The following KCNK10 variants were observed in gnomAD, a reference collection of about 807,000 sequenced individuals.
KCNK10 encodes potassium two pore domain channel subfamily K member 10.
Under a neutral mutation model 47.7 loss-of-function variants are expected in KCNK10, and 25 were observed. The ratio of observed to expected loss-of-function variants is 0.52; its 90% CI spans 0.38 to 0.73. The LOEUF is 0.73. Among genes scored for constraint, KCNK10 ranks in the 30% least tolerant of loss-of-function variants. The pLI is 0.00. For synonymous variants in KCNK10, 303 were observed against 285.6 expected (o/e 1.06, Z -0.61); for missense variants, 563 against 714.5 (o/e 0.79, Z 2.42).
chr14:88,186,254 G>T lies in KCNK10; in HGVS notation c.1012-99C>A. The T allele has an allele frequency of 7.3e-7, 1 of 1,376,640 alleles. No individual in the cohort carries two copies. The highest frequency in any genetic ancestry group is 1.5e-5 in the South Asian group (1 of 66,320). The allele number at this position is 1,376,640 out of a possible 1,614,324, so 85.3% of individuals were successfully genotyped here. A position where few individuals can be genotyped will look rare whatever the true frequency, so the allele number is the denominator to read the frequency against. On this transcript the variant is annotated intron_variant, in intron 6 of 6. Coordinates refer to ENST00000319231, the MANE Select transcript of KCNK10 (RefSeq NM_138317.3). The surrounding 1 kb of genome is among the most constrained non-coding windows in gnomAD (Gnocchi z 5.5). ...CTCGGGTGTCCCCACGGGGAGGCCA[G>T]GAGGTGACGGAGCACATGCCCAGGG... is the stretch of plus-strand genomic sequence containing the variant.
In KCNK10 at chr14:88,263,287, T is replaced by C; in HGVS notation, c.317A>G (p.Gln106Arg). The C allele has an allele frequency of 6.2e-7, 1 of 1,614,156 alleles. No homozygotes were observed. Among genetic ancestry groups the C allele is most frequent in the Non-Finnish European group, 8.5e-7 (1 of 1,180,050 alleles). Reference sequence around the variant, plus strand: ...CTTCTCCAAGGCGATGGTATTCTTCTGGCTGCTCTCAAAGGGCTGCTCCAA... The same window carrying C: ...CTTCTCCAAGGCGATGGTATTCTTCCGGCTGCTCTCAAAGGGCTGCTCCAA... ...RALEQPFESS[Q>R]KNTIALEKAE... Residue 106 changes from glutamine to arginine, a missense_variant, in exon 2 of 7, where the codon CAG becomes CGG. Physicochemically the swap from Gln to Arg is conservative, Grantham distance 43. Transcript: ENST00000319231.
intron 1 of KCNK10, among the ~76,000 whole-genome samples, chr14:88,314,235 C>G (rs12589067): frequency 0.19 from 28,837 of 151,940 alleles, 2,883 homozygotes; most frequent in East Asian, 0.25. Context: ...GGGCATGGAG[C>G]CTTCATGATT....
chr14:88,204,691 A>T (rs1233351435), intron 4 of KCNK10, among the ~76,000 whole-genome samples: 2 of 151,728 alleles, frequency 1.3e-5, no homozygotes, highest in East Asian at 3.9e-4. Flanking sequence ...TTGGTGCCCC[A>T]ATACTGCTCC....
At chr14:88,270,906 C>G (rs1887392078) in intron 1 of KCNK10, 2 of 754,120 alleles carry the variant, frequency 2.7e-6, no homozygotes, top group South Asian at 2.8e-5. Context: ...AGGCTCCATG[C>G]CTTGCTCCCT....
At chr14:88,194,979 A>G (rs2139830823) in intron 4 of KCNK10, among the ~76,000 whole-genome samples, 1 of 152,184 alleles carries the variant, frequency 6.6e-6, no homozygotes, top group African/African-American at 2.4e-5. Context: ...GGTTTTAGCA[A>G]TATCTGTTAT....
At chr14:88,270,894 G>A in intron 1 of KCNK10, 2 of 771,078 alleles carry the variant, frequency 2.6e-6, no homozygotes, top group Middle Eastern at 2.3e-4. Context: ...AGAGTAAAGT[G>A]CAGGCTCCAT....
intron 1 of KCNK10, among the ~76,000 whole-genome samples, chr14:88,310,277 TTGA>T (rs1888301123): frequency 1.4e-5 from 1 of 69,022 alleles, no homozygotes; most frequent in South Asian, 5.3e-4. Context: ...TCATAATTAC[TTGA>T]TGATGCACCT....
intron 2 of KCNK10, among the ~76,000 whole-genome samples, chr14:88,252,006 G>A (rs1886812252): frequency 6.6e-6 from 1 of 152,136 alleles, no homozygotes; most frequent in Non-Finnish European, 1.5e-5. Flanking sequence ...AATTATTTGT[G>A]TAATAACATG....
intron 2 of KCNK10, among the ~76,000 whole-genome samples, chr14:88,254,228 A>ACC (rs1250020157): frequency 6.6e-6 from 1 of 152,188 alleles, no homozygotes; most frequent in Non-Finnish European, 1.5e-5. Flanking sequence ...GGAGTGAGAT[A>ACC]ACCTGCTCAC....
In KCNK10 at chr14:88,193,594, A is replaced by G. The variant is rs568937313; in HGVS notation, c.682-1184T>C. Among the ~76,000 whole-genome samples the G allele has an allele frequency of 2.0e-5, 3 of 152,284 alleles. No homozygotes were observed. The East Asian group carries it at 5.8e-4, about 29-fold the overall frequency. ...TGAATTTTCTGCAAACGTACACCACATTTGGGGCAATCAATATAGGAAATC... is the reference window on the plus strand; with the variant it reads ...TGAATTTTCTGCAAACGTACACCACGTTTGGGGCAATCAATATAGGAAATC... On this transcript the variant is annotated intron_variant, in intron 4 of 6. Transcript: ENST00000319231.
rs149295065 is a variant in KCNK10 at position 88,192,466 on chromosome 14, G to C, written c.682-56C>G. 1.6e-4 allele frequency: 231 copies of C among 1,455,466 alleles called. 1 individual carries two copies. The African/African-American group carries it at 2.8e-3, about 18-fold the overall frequency. The allele number at this position is 1,455,466 out of a possible 1,614,324, so 90.2% of individuals were successfully genotyped here. A position where few individuals can be genotyped will look rare whatever the true frequency, so the allele number is the denominator to read the frequency against. On this transcript the variant is annotated intron_variant, in intron 4 of 6. Coordinates refer to ENST00000319231, the MANE Select transcript of KCNK10 (RefSeq NM_138317.3). ...GTCAGCGGCATCACCCTGGATTCAGGATATAGATGCACAGAAAACGGTACT... is the reference window on the plus strand; with the variant it reads ...GTCAGCGGCATCACCCTGGATTCAGCATATAGATGCACAGAAAACGGTACT...
upstream of KCNK10, chr14:88,326,800 A>C: frequency 1.9e-5 from 5 of 269,174 alleles, no homozygotes; most frequent in South Asian, 5.6e-5. Flanking sequence ...AAGCCCGAAA[A>C]CCCCAGTCAT....
At chr14:88,314,220 G>A (rs995208239) in intron 1 of KCNK10, among the ~76,000 whole-genome samples, 2 of 152,120 alleles carry the variant, frequency 1.3e-5, no homozygotes, top group Admixed American at 6.5e-5. Flanking sequence ...AGGTAATTAG[G>A]TCATGGGCAT....
At chr14:88,297,364 A>G (rs1888007286) in intron 1 of KCNK10, among the ~76,000 whole-genome samples, 2 of 152,230 alleles carry the variant, frequency 1.3e-5, no homozygotes, top group African/African-American at 2.4e-5. Flanking sequence ...CCATTAATAG[A>G]TTCCAAAAGT....
At chr14:88,201,814 AAGTAGACTATTACCTTTCATGAAGAG>A (rs749938519) in intron 4 of KCNK10, among the ~76,000 whole-genome samples, 94 of 152,358 alleles carry the variant, frequency 6.2e-4, no homozygotes, top group Admixed American at 2.5e-3. Context: ...GTAATGAATA[AAGTAGACTATTACCTTTCATGAAGAG>A]ACTGGGCTGT....
chr14:88,243,685 T>A (rs572548485), intron 2 of KCNK10, among the ~76,000 whole-genome samples: 21 of 151,712 alleles, frequency 1.4e-4, no homozygotes, highest in African/African-American at 5.1e-4. Flanking sequence ...ATAAATTAAT[T>A]AAAGTAGGAA....
At chr14:88,221,856 A>C (rs538705718) in intron 4 of KCNK10, among the ~76,000 whole-genome samples, 2 of 152,342 alleles carry the variant, frequency 1.3e-5, no homozygotes, top group Admixed American at 6.5e-5. Context: ...AGAAAATGGA[A>C]TATTATTCAC....
chr14:88,242,467 T>A (rs563396365), intron 2 of KCNK10, among the ~76,000 whole-genome samples: 3 of 152,134 alleles, frequency 2.0e-5, no homozygotes, highest in Non-Finnish European at 4.4e-5. Context: ...TCATAGACAA[T>A]TGACTGGATG....
intron 4 of KCNK10, among the ~76,000 whole-genome samples, chr14:88,222,525 C>A (rs183390385): frequency 6.6e-6 from 1 of 152,128 alleles, no homozygotes; most frequent in African/African-American, 2.4e-5. Context: ...CAAGAGTGAA[C>A]CCTAATGTAA....
Sources: gnomAD v4.1 joint callset for allele counts (sites outside exome capture counted in the v4.1 genomes callset) on GRCh38, gnomAD v4.1.1 for gene constraint, Gnocchi (gnomAD v3.1) non-coding constraint, MANE v1.5 for transcripts, NCBI Gene and HGNC (gene_info 2026-07-23, HGNC 2026-07-21) for gene names.